SH2B3: variants seen among roughly 807,000 people sequenced by gnomAD.
The protein encoded by SH2B3 is SH2B adapter protein 3.
Under a neutral mutation model 51.9 loss-of-function variants are expected in SH2B3, and 43 were observed. The observed-to-expected ratio is 0.83, with a 90% CI of 0.65 to 1.07. The LOEUF (loss-of-function observed/expected upper bound fraction) is 1.07. Among genes scored for constraint, SH2B3 ranks in the 50% least tolerant of loss-of-function variants. The pLI is 0.00. For missense variants in SH2B3, 952 were observed against 834.3 expected (o/e 1.14, Z -1.74); for synonymous variants, 396 against 376.0 (o/e 1.05, Z -0.62).
At chr12:111,430,690 CAAGAA>C (rs1872403838) in intron 2 of SH2B3, among the ~76,000 whole-genome samples, 1 of 152,140 alleles carries the variant, frequency 6.6e-6, no homozygotes, top group Non-Finnish European at 1.5e-5. Flanking sequence ...GGCTCTGGGC[CAAGAA>C]CTTGGCCTCT....
Position 111,448,077 on chromosome 12 carries a change from TA to T in SH2B3, c.1504del (p.Ser502ValfsTer46). ...WGSELGLPHL[S>X]SSGCPRGLSP... is the part of the protein sequence containing the mutation. Reference sequence around the variant, plus strand: ...GTTCAGAGTTGGGCCTTCCCCACCTTAGTTCTTCTGGCTGTCCCCGGGGGCT... The same window carrying T: ...GTTCAGAGTTGGGCCTTCCCCACCTTGTTCTTCTGGCTGTCCCCGGGGGCT... On this transcript the variant is annotated frameshift_variant, in exon 8 of 8. Coordinates refer to ENST00000341259, the MANE Select transcript of SH2B3 (RefSeq NM_005475.3). LOFTEE classifies it high-confidence loss of function. 1 of 1,614,068 alleles carries T rather than the reference TA, an allele frequency of 6.2e-7. No homozygotes were observed. The highest frequency in any genetic ancestry group is 1.3e-5 in the African/African-American group (1 of 75,036).
At chr12:111,430,097 C>T (rs1306350831) in intron 2 of SH2B3, among the ~76,000 whole-genome samples, 4 of 152,226 alleles carry the variant, frequency 2.6e-5, no homozygotes, top group Admixed American at 1.3e-4. Flanking sequence ...CATCCTCACT[C>T]TGTCCTGGGC....
In SH2B3 at chr12:111,433,559, T is replaced by G. The variant is rs528179757; in HGVS notation, c.733-13194T>G. Among the ~76,000 whole-genome samples, 12 of 152,204 alleles carry G rather than the reference T, an allele frequency of 7.9e-5. No homozygotes were observed. In the South Asian group the frequency reaches 2.5e-3, roughly 32 times the overall value. ...AGTAGTTTCTCAGTGTGGTGTTTTT[T>G]TTGTTTGTTTGTTTTAAACGGGGTC... is the stretch of plus-strand genomic sequence containing the variant. On this transcript the variant is annotated intron_variant, in intron 2 of 7. Coordinates refer to ENST00000341259, the MANE Select transcript of SH2B3 (RefSeq NM_005475.3).
chr12:111,418,731 CTGAAGGAGGCGG>C lies in SH2B3; in HGVS notation c.589_600del (p.Lys197_Val200del), dbSNP rs1871300520. The C allele has an allele frequency of 6.7e-7, 1 of 1,485,486 alleles. No homozygotes were observed. Among genetic ancestry groups the C allele is most frequent in the Admixed American group, 2.3e-5 (1 of 44,302 alleles). The allele number at this position is 1,485,486 out of a possible 1,614,324, so 92.0% of individuals were successfully genotyped here. ...GGCCCGGGAGCCGCCACCCGAGGCGCTGAAGGAGGCGGTGCTGCGCTACAGCCTGGCCGACGA... is the reference window on the plus strand; with the variant it reads ...GGCCCGGGAGCCGCCACCCGAGGCGCTGCTGCGCTACAGCCTGGCCGACGA... On this transcript the variant is annotated inframe_deletion, in exon 2 of 8. Transcript: ENST00000341259. The surrounding 1 kb of genome is among the most constrained non-coding windows in gnomAD (Gnocchi z 6.7).
chr12:111,434,817 A>G (rs1431262144), intron 2 of SH2B3: 2 of 1,515,546 alleles, frequency 1.3e-6, no homozygotes, highest in Admixed American at 4.0e-5. Flanking sequence ...GCTGTGTGTC[A>G]AGGCCTGTGA....
intron 2 of SH2B3, among the ~76,000 whole-genome samples, chr12:111,439,692 G>A: frequency 6.6e-6 from 1 of 152,238 alleles, no homozygotes; most frequent in East Asian, 1.9e-4. Flanking sequence ...TCCTGTAGCT[G>A]CAGGGGAGTT....
chr12:111,420,677 C>CTAGGCTCCA (rs1051714684), intron 2 of SH2B3, among the ~76,000 whole-genome samples: 85 of 152,324 alleles, frequency 5.6e-4, no homozygotes, highest in African/African-American at 2.0e-3. Context: ...GGAGCACCTA[C>CTAGGCTCCA]TATGTGTTAG....
chr12:111,426,395 T>G (rs943439049), intron 2 of SH2B3, among the ~76,000 whole-genome samples: 2 of 151,160 alleles, frequency 1.3e-5, no homozygotes, highest in Non-Finnish European at 3.0e-5. Context: ...CTTTTTTTTT[T>G]TTTTTTTGTT....
Position 111,435,156 on chromosome 12 carries a change from T to C in SH2B3, c.733-11597T>C, listed in dbSNP as rs1489597761. ...TTTGTTGTTTCTTAACCACATCTTT[T>C]TCCACCCACACCCGGTGCAGAGCAG... On this transcript the variant is annotated intron_variant, in intron 2 of 7. Transcript: ENST00000341259. This position sits in a 1 kb window ranked among gnomAD's most constrained non-coding sequence, Gnocchi z 4.8. 1 of 735,936 alleles carries C rather than the reference T, an allele frequency of 1.4e-6. No individual in the cohort carries two copies. The highest frequency in any genetic ancestry group is 2.2e-6 in the Non-Finnish European group (1 of 456,138). The allele number at this position is 735,936 out of a possible 1,614,324, so 45.6% of individuals were successfully genotyped here.
intron 2 of SH2B3, among the ~76,000 whole-genome samples, chr12:111,430,291 T>C (rs1872365757): frequency 6.6e-6 from 1 of 152,190 alleles, no homozygotes; most frequent in Non-Finnish European, 1.5e-5. Flanking sequence ...TTTGAAAAAG[T>C]GCTTTGCCGC....
intron 7 of SH2B3, 77 bp from the exon 8 acceptor site, chr12:111,447,906 A>G (rs1385886783): frequency 1.3e-6 from 2 of 1,555,952 alleles, no homozygotes; most frequent in Non-Finnish European, 1.8e-6. Flanking sequence ...ACCCAGGGGT[A>G]CAGGTATCTT....
At position 111,429,836 on chromosome 12, in the gene SH2B3, G is replaced by T. The variant is rs1402821549; in HGVS notation, c.732+10959G>T. On this transcript the variant is annotated intron_variant, in intron 2 of 7. Coordinates refer to ENST00000341259, the MANE Select transcript of SH2B3 (RefSeq NM_005475.3). This position sits in a 1 kb window ranked among gnomAD's most constrained non-coding sequence, Gnocchi z 4.4. ...GGAAATGAGAGTCCCTGGTGGGTCTGCCAAGGCCGGGGGGCACCAGGGGCA... is the reference window on the plus strand; with the variant it reads ...GGAAATGAGAGTCCCTGGTGGGTCTTCCAAGGCCGGGGGGCACCAGGGGCA... Among the ~76,000 whole-genome samples, 1 of 152,206 alleles carries T rather than the reference G, an allele frequency of 6.6e-6. No homozygotes were observed. Among genetic ancestry groups the T allele is most frequent in the Non-Finnish European group, 1.5e-5 (1 of 68,044 alleles).
intron 2 of SH2B3, chr12:111,434,871 A>G: frequency 6.5e-7 from 1 of 1,535,346 alleles, no homozygotes; most frequent in Non-Finnish European, 8.7e-7. Flanking sequence ...GATAGTAATG[A>G]GAGTCCGTGC....
In SH2B3 at chr12:111,447,376, C is replaced by T; in HGVS notation, c.1068C>T (p.Asp356=). The change falls in exon 6 of 8, where the codon GAC becomes GAT. Residue 356 remains aspartate, a synonymous_variant. Transcript: ENST00000341259. ...TGGACCCGGCCTGCCAGAAGACGGACCATTTCCTGTCCTGCTACCCCTGGT... is the reference window on the plus strand; with the variant it reads ...TGGACCCGGCCTGCCAGAAGACGGATCATTTCCTGTCCTGCTACCCCTGGT... ...GLLDPACQKT[D]HFLSCYPWFH... is the part of the protein sequence containing the mutation. 1 of 1,614,066 alleles carries T rather than the reference C, an allele frequency of 6.2e-7. No individual in the cohort carries two copies.
At chr12:111,428,089 C>T (rs1872153963) in intron 2 of SH2B3, among the ~76,000 whole-genome samples, 1 of 152,206 alleles carries the variant, frequency 6.6e-6, no homozygotes. Context: ...GGTGGGGGCA[C>T]CTGTTTTGGG....
intron 2 of SH2B3, among the ~76,000 whole-genome samples, chr12:111,437,467 G>A (rs908072731): frequency 6.6e-6 from 1 of 152,208 alleles, no homozygotes; most frequent in Non-Finnish European, 1.5e-5. Flanking sequence ...TCTAGGAGCC[G>A]CTGCCCTGTG....
intron 2 of SH2B3, chr12:111,443,792 T>G (rs1873662094): frequency 6.6e-6 from 1 of 152,158 alleles, no homozygotes; most frequent in Admixed American, 6.5e-5. Context: ...TAGCTCACCT[T>G]GTGAAAAAAT....
chr12:111,411,201 A>G (rs1370226183), intron 1 of SH2B3, among the ~76,000 whole-genome samples: 3 of 129,566 alleles, frequency 2.3e-5, no homozygotes, highest in African/African-American at 1.1e-4. Flanking sequence ...CCCTGTCTCT[A>G]CCAAAAAAAA....
At position 111,410,981 on chromosome 12, in the gene SH2B3, G is replaced by A. The variant is rs941469995; in HGVS notation, c.-28+4704G>A. On this transcript the variant is annotated intron_variant, in intron 1 of 7. Transcript: ENST00000341259. This position sits in a 1 kb window ranked among gnomAD's most constrained non-coding sequence, Gnocchi z 4.9. ...TGGAGGAAGTGTCCCCTCTGAAGGTGTGAGACTTCCTGCCTATATCTGTGA... is the reference window on the plus strand; with the variant it reads ...TGGAGGAAGTGTCCCCTCTGAAGGTATGAGACTTCCTGCCTATATCTGTGA... Among the ~76,000 whole-genome samples the A allele has an allele frequency of 4.6e-5, 7 of 152,190 alleles. No homozygotes were observed. Among genetic ancestry groups the A allele is most frequent in the African/African-American group, 1.4e-4 (6 of 41,450 alleles).
Sources: allele counts gnomAD v4.1 joint callset (sites outside exome capture counted in the v4.1 genomes callset), GRCh38; gene constraint gnomAD v4.1.1; non-coding constraint Gnocchi (gnomAD v3.1); transcripts MANE v1.5; gene names NCBI Gene and HGNC (gene_info 2026-07-23, HGNC 2026-07-21).